Variants in TRAM1 observed in about 807,000 individuals in gnomAD.
TRAM1 encodes the protein translocation associated membrane protein 1.
TRAM1 carries 17 observed loss-of-function variants against 48.7 expected under a neutral mutation model. The ratio of observed to expected loss-of-function variants is 0.35; its 90% CI spans 0.24 to 0.52. The LOEUF (loss-of-function observed/expected upper bound fraction) is 0.52, where lower values mean the gene tolerates loss of function less well. Ranked by LOEUF, TRAM1 falls within the 20% of genes least tolerant of loss-of-function variation. The pLI, the probability that TRAM1 is intolerant of heterozygous loss-of-function variation, is 0.94. For missense variants in TRAM1, 351 were observed against 441.5 expected (o/e 0.79, Z 1.84); for synonymous variants, 182 against 154.0 (o/e 1.18, Z -1.34).
chr8:70,574,621 T>G lies in TRAM1; in HGVS notation c.*311A>C. On this transcript the variant is annotated 3_prime_UTR_variant, in exon 11 of 11. Coordinates refer to ENST00000262213, the MANE Select transcript of TRAM1 (RefSeq NM_014294.6). ...ACAGCAAGAAATTGTATCACTGATA[T>G]GTGGAATTTTTGTAAATAGTTTTCT... The G allele has an allele frequency of 4.3e-6, 1 of 234,234 alleles. No homozygotes were observed. Among genetic ancestry groups the G allele is most frequent in the South Asian group, 6.4e-5 (1 of 15,736 alleles). 14.5% of individuals were successfully genotyped at this position (234,234 alleles called of 1,614,324 possible). A position where few individuals can be genotyped will look rare whatever the true frequency, so the allele number is the denominator to read the frequency against.
At position 70,586,938 on chromosome 8, in the gene TRAM1, T is replaced by C; in HGVS notation, c.703A>G (p.Ile235Val). The C allele has an allele frequency of 1.9e-6, 3 of 1,613,802 alleles. No individual in the cohort carries two copies. The highest frequency in any genetic ancestry group is 2.5e-6 in the Non-Finnish European group (3 of 1,179,882). ...TTGCTAAAATAAAACAGGCGGGAAA[T>C]GTGGAAAAGAAATTCAACAAAATAA... ...LHYFVEFLFH[I>V]SRLFYFSNEK... The change falls in exon 8 of 11, where the codon ATT becomes GTT. Residue 235 changes from isoleucine (I) to valine (V), a missense_variant. Ile to Val is a conservative substitution (Grantham distance 29). Transcript: ENST00000262213.
intron 3 of TRAM1, 49 bp downstream of exon 3, chr8:70,598,085 G>A: frequency 6.4e-7 from 1 of 1,564,102 alleles, no homozygotes. Flanking sequence ...AGCAGATTAT[G>A]GAGAGCTAGT....
intron 4 of TRAM1, among the ~76,000 whole-genome samples, chr8:70,597,265 A>C (rs1817508357): frequency 6.6e-6 from 1 of 152,224 alleles, no homozygotes; most frequent in African/African-American, 2.4e-5. Flanking sequence ...ACAACATTTA[A>C]GAAGCTTGGA....
At position 70,598,267 on chromosome 8, in the gene TRAM1, A is replaced by G. The variant is rs750336487; in HGVS notation, c.188-12T>C. The G allele has an allele frequency of 6.2e-7, 1 of 1,602,060 alleles. No individual in the cohort carries two copies. The highest frequency in any genetic ancestry group is 2.3e-5 in the East Asian group (1 of 44,342). On this transcript the variant is annotated splice_polypyrimidine_tract_variant and intron_variant, in intron 2 of 10. Transcript: ENST00000262213. Reference sequence around the variant, plus strand: ...AGTAGCTTGTTCTTCTGAAGACCAAAAAGGACACAAATACACAAAAATATA... The same window carrying G: ...AGTAGCTTGTTCTTCTGAAGACCAAGAAGGACACAAATACACAAAAATATA...
intron 1 of TRAM1, among the ~76,000 whole-genome samples, chr8:70,604,665 A>T (rs1378018650): frequency 6.6e-6 from 1 of 152,226 alleles, no homozygotes; most frequent in Non-Finnish European, 1.5e-5. Context: ...AAGAAAAAAA[A>T]AACCCAAACC....
intron 5 of TRAM1, among the ~76,000 whole-genome samples, chr8:70,595,578 T>C (rs1431178608): frequency 6.6e-6 from 1 of 152,150 alleles, no homozygotes; most frequent in Non-Finnish European, 1.5e-5. Context: ...TTTTTACCGC[T>C]ACCAAGGCAC....
At chr8:70,583,138 T>G in intron 10 of TRAM1, 26 bp downstream of exon 10, 1 of 1,584,976 alleles carries the variant, frequency 6.3e-7, no homozygotes, top group Non-Finnish European at 8.6e-7. Flanking sequence ...CTTCCATGAG[T>G]TTTTCATTGC....
chr8:70,578,719 A>T (rs995011953), intron 10 of TRAM1, among the ~76,000 whole-genome samples: 9 of 152,254 alleles, frequency 5.9e-5, no homozygotes, highest in African/African-American at 1.2e-4. Context: ...TATTACACAA[A>T]GGACAAATCT....
At chr8:70,599,174 T>C (rs1004336046) in intron 2 of TRAM1, among the ~76,000 whole-genome samples, 1 of 152,050 alleles carries the variant, frequency 6.6e-6, no homozygotes. Flanking sequence ...GGGAGGATCA[T>C]TTGAGCCCAG....
At chr8:70,583,419 C>T (rs780955868) in intron 9 of TRAM1, 95 bp from the exon 10 acceptor site, 67 of 1,396,742 alleles carry the variant, frequency 4.8e-5, no homozygotes, top group Non-Finnish European at 6.3e-5. Flanking sequence ...ATAATTCCCA[C>T]TCAGTTGAGA....
intron 3 of TRAM1, 43 bp from the exon 4 acceptor site, chr8:70,598,054 A>G: frequency 6.6e-7 from 1 of 1,518,140 alleles, no homozygotes; most frequent in East Asian, 2.4e-5. Context: ...ATAAATTATA[A>G]ATTATATTTA....
chr8:70,596,817 T>C (rs1410007312), intron 4 of TRAM1, among the ~76,000 whole-genome samples: 4 of 131,430 alleles, frequency 3.0e-5, no homozygotes, highest in African/African-American at 6.0e-5. Context: ...TTACTGCATA[T>C]GTAAAAAAAA....
Position 70,574,780 on chromosome 8 carries a change from C to G in TRAM1, c.*152G>C, listed in dbSNP as rs1482550856. The G allele has an allele frequency of 1.6e-6, 1 of 607,926 alleles. No individual in the cohort carries two copies. Among genetic ancestry groups the G allele is most frequent in the Non-Finnish European group, 2.8e-6 (1 of 354,368 alleles). The allele number at this position is 607,926 out of a possible 1,614,324, so 37.7% of individuals were successfully genotyped here. A position where few individuals can be genotyped will look rare whatever the true frequency, so the allele number is the denominator to read the frequency against. ...TCATTCATAGCAATAATCCTCCCCT[C>G]AAATGCCCTTTAAAAAAATGCATGA... On this transcript the variant is annotated 3_prime_UTR_variant, in exon 11 of 11. Coordinates refer to ENST00000262213, the MANE Select transcript of TRAM1 (RefSeq NM_014294.6).
chr8:70,585,435 T>C (rs895341850), intron 8 of TRAM1, among the ~76,000 whole-genome samples: 8 of 151,966 alleles, frequency 5.3e-5, no homozygotes, highest in Non-Finnish European at 1.0e-4. Context: ...TGGGATCTAA[T>C]TAAACTAAAG....
At chr8:70,594,014 T>C (rs1817425916) in intron 6 of TRAM1, among the ~76,000 whole-genome samples, 1 of 152,194 alleles carries the variant, frequency 6.6e-6, no homozygotes, top group Non-Finnish European at 1.5e-5. Context: ...AAAAAGGGAA[T>C]GCTCTACCCA....
chr8:70,574,367 A>G lies in TRAM1; in HGVS notation c.*565T>C. 1 of 280,326 alleles carries G rather than the reference A, an allele frequency of 3.6e-6. No homozygotes were observed. Among genetic ancestry groups the G allele is most frequent in the South Asian group, 3.2e-5 (1 of 31,430 alleles). The allele number at this position is 280,326 out of a possible 1,614,324, so 17.4% of individuals were successfully genotyped here. ...GTTTTTGTTTTTAAAATGGGGATGT[A>G]ATACTAATAACCACTACCTATAAAA... On this transcript the variant is annotated 3_prime_UTR_variant, in exon 11 of 11. Transcript: ENST00000262213.
intron 1 of TRAM1, among the ~76,000 whole-genome samples, chr8:70,600,316 G>C (rs976348778): frequency 6.6e-6 from 1 of 152,168 alleles, no homozygotes; most frequent in Non-Finnish European, 1.5e-5. Flanking sequence ...TTAATTTTAA[G>C]ATTTCAAAAG....
chr8:70,599,073 T>C (rs1236569349), intron 2 of TRAM1, among the ~76,000 whole-genome samples: 1 of 152,110 alleles, frequency 6.6e-6, no homozygotes. Context: ...ACCTAGGTAG[T>C]ATAGTGAGAC....
intron 6 of TRAM1, among the ~76,000 whole-genome samples, chr8:70,588,277 T>TA (rs980523758): frequency 3.3e-5 from 5 of 151,976 alleles, no homozygotes; most frequent in African/African-American, 1.2e-4. Flanking sequence ...CAGCATCTTT[T>TA]AAAACATGAA....
Sources: gnomAD v4.1 joint callset for allele counts (sites outside exome capture counted in the v4.1 genomes callset) on GRCh38, gnomAD v4.1.1 for gene constraint, MANE v1.5 for transcripts, NCBI Gene and HGNC (gene_info 2026-07-23, HGNC 2026-07-21) for gene names.